SCHIP1: variants seen among roughly 807,000 people sequenced by gnomAD.
SCHIP1 encodes schwannomin-interacting protein 1.
In SCHIP1, 8 loss-of-function variants were observed where a neutral mutation model predicts 29.7. That is an observed-to-expected ratio of 0.27 (90% confidence interval 0.16 to 0.49). SCHIP1 has a LOEUF of 0.49. Ranked by LOEUF, SCHIP1 falls within the 20% of genes least tolerant of loss-of-function variation. The pLI, the probability that SCHIP1 is intolerant of heterozygous loss-of-function variation, is 0.99. For missense variants in SCHIP1, 193 were observed against 294.6 expected (o/e 0.66, Z 2.52); for synonymous variants, 76 against 94.9 (o/e 0.80, Z 1.16).
At chr3:159,885,566 TCTGCAGAACCTTG>T (rs1039453126) in intron 2 of SCHIP1, among the ~76,000 whole-genome samples, 4 of 152,342 alleles carry the variant, frequency 2.6e-5, no homozygotes, top group Admixed American at 2.0e-4. Flanking sequence ...CAGGAGGTGG[TCTGCAGAACCTTG>T]CTGTGTTCTA....
At chr3:159,828,472 C>CGT in the SCHIP1 span, among the ~76,000 whole-genome samples, 7 of 115,978 alleles carry the variant, frequency 6.0e-5, no homozygotes, top group Admixed American at 9.8e-5. Flanking sequence ...TGTATATATA[C>CGT]ACACACATAC....
chr3:159,390,441 C>T, the SCHIP1 span, among the ~76,000 whole-genome samples: 1 of 151,960 alleles, frequency 6.6e-6, no homozygotes, highest in African/African-American at 2.4e-5. Flanking sequence ...GAAACGTTTT[C>T]TGGACGTTCT....
At chr3:159,324,099 A>C in the SCHIP1 span, among the ~76,000 whole-genome samples, 1 of 152,186 alleles carries the variant, frequency 6.6e-6, no homozygotes, top group East Asian at 1.9e-4. Context: ...ATAAGGGGGG[A>C]GTAATTTCCT....
the SCHIP1 span, among the ~76,000 whole-genome samples, chr3:159,600,663 G>C: frequency 6.6e-6 from 1 of 151,600 alleles, no homozygotes; most frequent in African/African-American, 2.4e-5. Flanking sequence ...ATTCTTTATT[G>C]GGAATTTTAA....
At chr3:159,674,926 G>A in the SCHIP1 span, among the ~76,000 whole-genome samples, 14 of 152,162 alleles carry the variant, frequency 9.2e-5, no homozygotes, top group African/African-American at 2.9e-4. Flanking sequence ...GTTTAAGGTT[G>A]GGAGCAACTT....
the SCHIP1 span, among the ~76,000 whole-genome samples, chr3:159,371,826 GA>G: frequency 4.6e-5 from 7 of 152,046 alleles, no homozygotes; most frequent in South Asian, 2.1e-4. Flanking sequence ...ATAATGACAA[GA>G]AAAAAGTCTG....
At chr3:159,311,615 A>G in the SCHIP1 span, among the ~76,000 whole-genome samples, 1 of 152,180 alleles carries the variant, frequency 6.6e-6, no homozygotes, top group African/African-American at 2.4e-5. Context: ...GTTCTAAATC[A>G]TTGAAAGAAT....
the SCHIP1 span, among the ~76,000 whole-genome samples, chr3:159,816,526 C>T: frequency 6.6e-6 from 1 of 152,170 alleles, no homozygotes; most frequent in Admixed American, 6.5e-5. Context: ...CCTCCTGCCT[C>T]AGCCTCCCAA....
the SCHIP1 span, among the ~76,000 whole-genome samples, chr3:159,728,009 T>A: frequency 4.1e-5 from 6 of 147,414 alleles, no homozygotes; most frequent in African/African-American, 1.5e-4. Context: ...TTTGTTTTTT[T>A]TTTTTTTAAA....
the SCHIP1 span, among the ~76,000 whole-genome samples, chr3:159,444,105 C>A: frequency 0.025 from 3,790 of 151,932 alleles, 174 homozygotes; most frequent in African/African-American, 0.087. Context: ...GGTGGTGAAG[C>A]GAGATGGGAA....
the SCHIP1 span, among the ~76,000 whole-genome samples, chr3:159,634,473 G>C: frequency 6.6e-6 from 1 of 152,190 alleles, no homozygotes; most frequent in East Asian, 1.9e-4. Flanking sequence ...TGAACAGTTA[G>C]AGGCCCACCT....
At chr3:159,561,620 C>G in the SCHIP1 span, among the ~76,000 whole-genome samples, 1 of 151,878 alleles carries the variant, frequency 6.6e-6, no homozygotes, top group Non-Finnish European at 1.5e-5. Flanking sequence ...TTAAAGAAAT[C>G]TTGTAGTTTT....
chr3:159,284,446 T>C, the SCHIP1 span, among the ~76,000 whole-genome samples: 11 of 152,164 alleles, frequency 7.2e-5, no homozygotes, highest in African/African-American at 2.7e-4. Context: ...TAATACACTT[T>C]GATATTTTAA....
chr3:159,597,589 G>T, the SCHIP1 span, among the ~76,000 whole-genome samples: 1 of 152,074 alleles, frequency 6.6e-6, no homozygotes, highest in African/African-American at 2.4e-5. Flanking sequence ...CCTGCATGTT[G>T]CTGCAAATGA....
the SCHIP1 span, among the ~76,000 whole-genome samples, chr3:159,327,335 T>A: frequency 6.6e-6 from 1 of 152,172 alleles, no homozygotes; most frequent in Admixed American, 6.5e-5. Flanking sequence ...CAAGAGGGAA[T>A]CTTTAGCACA....
At chr3:159,732,898 C>T in the SCHIP1 span, among the ~76,000 whole-genome samples, 587 of 152,332 alleles carry the variant, frequency 3.9e-3, 3 homozygotes, top group African/African-American at 0.013. Flanking sequence ...TGTCTATAGG[C>T]CTGGAAGGCT....
At chr3:159,364,121 G>GT in the SCHIP1 span, among the ~76,000 whole-genome samples, 1 of 152,060 alleles carries the variant, frequency 6.6e-6, no homozygotes, top group East Asian at 1.9e-4. Context: ...CATTTTTACT[G>GT]TTTTTTTGTT....
At chr3:159,704,974 GT>G in the SCHIP1 span, among the ~76,000 whole-genome samples, 1 of 91,192 alleles carries the variant, frequency 1.1e-5, no homozygotes, top group Non-Finnish European at 2.6e-5. Context: ...TTTTTCTTTT[GT>G]TTTTTTAGAG....
chr3:159,721,045 A>G, the SCHIP1 span, among the ~76,000 whole-genome samples: 1,621 of 152,282 alleles, frequency 0.011, 12 homozygotes, highest in Non-Finnish European at 0.016. Flanking sequence ...AAATACCAGT[A>G]TTGCTTTGAA....
Sources: gnomAD v4.1 joint callset for allele counts (sites outside exome capture counted in the v4.1 genomes callset) on GRCh38, gnomAD v4.1.1 for gene constraint, MANE v1.5 for transcripts, NCBI Gene and HGNC (gene_info 2026-07-23, HGNC 2026-07-21) for gene names.